Variants in FAM78B observed in about 807,000 individuals in gnomAD.
The protein encoded by FAM78B is family with sequence similarity 78 member B.
In FAM78B, 10 loss-of-function variants were observed where a neutral mutation model predicts 20.0. The ratio of observed to expected loss-of-function variants is 0.50; its 90% CI spans 0.31 to 0.85. FAM78B has a LOEUF of 0.85. Ranked by LOEUF, FAM78B falls within the 40% of genes least tolerant of loss-of-function variation. FAM78B has a pLI of 0.05. For synonymous variants in FAM78B, 135 were observed against 132.8 expected (o/e 1.02, Z -0.12); for missense variants, 283 against 345.0 (o/e 0.82, Z 1.42).
rs554970004 is a variant in FAM78B, at chr1:166,114,685, C to T, written c.264-43922G>A. 2.3e-3 allele frequency among the ~76,000 whole-genome samples: 345 copies of T among 152,322 alleles called. 1 individual carries two copies. Among genetic ancestry groups the T allele is most frequent in the Middle Eastern group, 3.4e-3 (1 of 294 alleles). ...GAGGAGGTGGCCTTTACTCATTCCT[C>T]CCTGTGCTAGTTACCTCAGAGGACA... On this transcript the variant is annotated intron_variant, in intron 1 of 1. Coordinates refer to ENST00000354422, the MANE Select transcript of FAM78B (RefSeq NM_001017961.5).
At chr1:166,120,755 G>A (rs1423464811) in intron 1 of FAM78B, among the ~76,000 whole-genome samples, 3 of 106,816 alleles carry the variant, frequency 2.8e-5, no homozygotes, top group African/African-American at 9.2e-5. Context: ...CCCAAGAGCA[G>A]GAGCACGTGG....
downstream of FAM78B, among the ~76,000 whole-genome samples, chr1:166,056,318 AATG>A (rs1651343997): frequency 2.0e-5 from 3 of 152,030 alleles, no homozygotes; most frequent in Non-Finnish European, 4.4e-5. Flanking sequence ...TGAATGAATG[AATG>A]AATGTGAATT....
intron 1 of FAM78B, among the ~76,000 whole-genome samples, chr1:166,083,596 T>C (rs1305412321): frequency 6.6e-6 from 1 of 152,170 alleles, no homozygotes; most frequent in Non-Finnish European, 1.5e-5. Context: ...CCTCTGCCTC[T>C]TGGGTTCAAG....
intron 1 of FAM78B, among the ~76,000 whole-genome samples, chr1:166,074,748 G>A (rs1477900802): frequency 6.6e-6 from 1 of 152,166 alleles, no homozygotes; most frequent in Non-Finnish European, 1.5e-5. Flanking sequence ...TCCTTAAAAG[G>A]AGGAGGCACA....
At chr1:166,105,427 A>C (rs567441456) in intron 1 of FAM78B, among the ~76,000 whole-genome samples, 162 of 152,120 alleles carry the variant, frequency 1.1e-3, no homozygotes, top group African/African-American at 3.8e-3. Context: ...CAACCTACAG[A>C]ATGGGAGAAA....
At chr1:166,077,874 TTATATATATAATA>T (rs1295003946) in intron 1 of FAM78B, among the ~76,000 whole-genome samples, 17,591 of 59,184 alleles carry the variant, frequency 0.3, 3,116 homozygotes, top group Non-Finnish European at 0.38. Flanking sequence ...ATATATATAA[TTATATATATAATA>T]AATATATATA....
At chr1:166,073,540 T>C (rs1482865530) in intron 1 of FAM78B, among the ~76,000 whole-genome samples, 1 of 131,444 alleles carries the variant, frequency 7.6e-6, no homozygotes. Flanking sequence ...TTCTCTCTTT[T>C]TTTTTTTTTT....
chr1:166,077,907 TATAATTATATATATAATA>T lies in FAM78B; in HGVS notation c.264-7162_264-7145del, dbSNP rs1396794781. ...ATAATAAATATATATAATTTATATATATAATTATATATATAATAAATATATAATAATATATATAATTTA... is the reference window on the plus strand; with the variant it reads ...ATAATAAATATATATAATTTATATATAATATATAATAATATATATAATTTA... On this transcript the variant is annotated intron_variant, in intron 1 of 1. Coordinates refer to ENST00000354422, the MANE Select transcript of FAM78B (RefSeq NM_001017961.5). Among the ~76,000 whole-genome samples the T allele has an allele frequency of 4.8e-3, 13 of 2,682 alleles. 1 individual carries two copies. Among genetic ancestry groups the T allele is most frequent in the Non-Finnish European group, 9.7e-3 (12 of 1,234 alleles). 1.8% of individuals were successfully genotyped at this position (2,682 alleles called of 152,430 possible). A position where few individuals can be genotyped will look rare whatever the true frequency, so the allele number is the denominator to read the frequency against.
At chr1:166,060,300 T>G (rs1369809898) in exon 3 of FAM78B, 1 of 278,608 alleles carries the variant, frequency 3.6e-6, no homozygotes, top group Non-Finnish European at 7.1e-6. Flanking sequence ...GACCAGCTCT[T>G]CATCCCTAGG....
intron 1 of FAM78B, among the ~76,000 whole-genome samples, chr1:166,081,671 C>T (rs1456373603): frequency 6.6e-6 from 1 of 152,160 alleles, no homozygotes; most frequent in Non-Finnish European, 1.5e-5. Context: ...TCACAGCCCA[C>T]CCAAGGTGGC....
downstream of FAM78B, among the ~76,000 whole-genome samples, chr1:166,057,246 C>G (rs1332314690): frequency 6.6e-6 from 1 of 152,106 alleles, no homozygotes; most frequent in African/African-American, 2.4e-5. Context: ...TTAGAATTGT[C>G]TTTTGGACCA....
chr1:166,115,987 C>G (rs893375122), intron 1 of FAM78B, among the ~76,000 whole-genome samples: 7 of 152,378 alleles, frequency 4.6e-5, no homozygotes, highest in Middle Eastern at 3.4e-3. Context: ...TATCTCACCA[C>G]AGTGCTTTCT....
chr1:166,116,308 C>A (rs557765442), intron 1 of FAM78B, among the ~76,000 whole-genome samples: 8 of 152,302 alleles, frequency 5.3e-5, no homozygotes, highest in Admixed American at 3.3e-4. Flanking sequence ...GCTTTCCAGG[C>A]CCCAGAGAAG....
intron 1 of FAM78B, among the ~76,000 whole-genome samples, chr1:166,084,237 A>ACACACACACACACACACTCT (rs771421402): frequency 8.8e-5 from 11 of 125,474 alleles, no homozygotes; most frequent in African/African-American, 2.6e-4. Context: ...ACACACACAC[A>ACACACACACACACACACTCT]CTCTCTCTCT....
intron 1 of FAM78B, among the ~76,000 whole-genome samples, chr1:166,097,112 G>A (rs1021064554): frequency 1.3e-5 from 2 of 152,240 alleles, no homozygotes; most frequent in African/African-American, 2.4e-5. Flanking sequence ...CGGAGAAGCT[G>A]AAGGTCTGTT....
At chr1:166,153,934 G>A (rs1340416205) in intron 1 of FAM78B, among the ~76,000 whole-genome samples, 1 of 152,268 alleles carries the variant, frequency 6.6e-6, no homozygotes, top group East Asian at 1.9e-4. Flanking sequence ...CCTTTAGGGT[G>A]AGCAGACACA....
intron 1 of FAM78B, among the ~76,000 whole-genome samples, chr1:166,076,249 C>T (rs7526617): frequency 1.1e-3 from 160 of 152,290 alleles, no homozygotes; most frequent in African/African-American, 3.7e-3. Flanking sequence ...CTCATGTGGC[C>T]CTACATGATC....
intron 1 of FAM78B, among the ~76,000 whole-genome samples, chr1:166,160,464 A>C (rs1656100946): frequency 6.6e-6 from 1 of 152,226 alleles, no homozygotes; most frequent in Non-Finnish European, 1.5e-5. Context: ...TGTACAGAAC[A>C]CCTCAGGGAG....
At chr1:166,108,915 G>A (rs1351738559) in intron 1 of FAM78B, among the ~76,000 whole-genome samples, 1 of 152,136 alleles carries the variant, frequency 6.6e-6, no homozygotes. Context: ...TGGGGGAAAG[G>A]ACACCCTTGT....
Sources: gnomAD v4.1 joint callset for allele counts (sites outside exome capture counted in the v4.1 genomes callset) on GRCh38, gnomAD v4.1.1 for gene constraint, MANE v1.5 for transcripts, NCBI Gene and HGNC (gene_info 2026-07-23, HGNC 2026-07-21) for gene names.